Variants in KIAA1217 observed in about 807,000 individuals in gnomAD.
The protein encoded by KIAA1217 is KIAA1217.
A neutral mutation model predicts 163.9 loss-of-function variants in KIAA1217; 88 were observed. That is an observed-to-expected ratio of 0.54 (90% CI 0.45 to 0.64). KIAA1217 has a LOEUF of 0.64. KIAA1217 is among the 30% of genes least tolerant of loss of function. The pLI is 0.00. For synonymous variants in KIAA1217, 903 were observed against 923.1 expected, an observed-to-expected ratio of 0.98 and a Z score of 0.39; for missense variants, 2,372 against 2,475.0, an observed-to-expected ratio of 0.96 and a Z score of 0.88.
chr10:24,025,844 A>G (rs1002223502), intron 2 of KIAA1217, among the ~76,000 whole-genome samples: 9 of 151,810 alleles, frequency 5.9e-5, no homozygotes, highest in Non-Finnish European at 8.9e-5. Context: ...TTAGTCTTAT[A>G]TATTTACCTC....
intron 1 of KIAA1217, among the ~76,000 whole-genome samples, chr10:23,811,591 G>A (rs1234372559): frequency 6.6e-6 from 1 of 151,974 alleles, no homozygotes; most frequent in East Asian, 1.9e-4. Context: ...TTACTGCAAT[G>A]TGAGGATGAG....
At chr10:23,986,746 A>G (rs376796803) in intron 1 of KIAA1217, among the ~76,000 whole-genome samples, 2 of 152,344 alleles carry the variant, frequency 1.3e-5, no homozygotes, top group African/African-American at 2.4e-5. Context: ...TGTGAGAGAA[A>G]GTCTTCCTTT....
chr10:24,502,073 G>A (rs894498284), intron 9 of KIAA1217, among the ~76,000 whole-genome samples: 6 of 151,820 alleles, frequency 4.0e-5, no homozygotes, highest in Non-Finnish European at 8.8e-5. Context: ...TAAGCTGTGC[G>A]TACTTTTACG....
At chr10:24,177,785 T>A (rs1208274499) in intron 2 of KIAA1217, among the ~76,000 whole-genome samples, 1 of 152,022 alleles carries the variant, frequency 6.6e-6, no homozygotes, top group African/African-American at 2.4e-5. Context: ...TGCTGATGAG[T>A]CAGGACCATT....
intron 2 of KIAA1217, among the ~76,000 whole-genome samples, chr10:24,175,592 G>A (rs1468386664): frequency 6.6e-6 from 1 of 152,060 alleles, no homozygotes; most frequent in African/African-American, 2.4e-5. Flanking sequence ...GAATTGGTGG[G>A]TTCTTGGGCT....
intron 1 of KIAA1217, among the ~76,000 whole-genome samples, chr10:23,934,380 G>C (rs1460102021): frequency 1.3e-5 from 2 of 150,936 alleles, no homozygotes; most frequent in South Asian, 2.1e-4. Flanking sequence ...GGGCCTGTTG[G>C]GGGGTGAGGG....
chr10:24,381,467 C>T (rs1016385746), intron 3 of KIAA1217, among the ~76,000 whole-genome samples: 7 of 152,176 alleles, frequency 4.6e-5, no homozygotes, highest in African/African-American at 1.2e-4. Flanking sequence ...GCCTGAGCTC[C>T]GCCTCCTGTC....
chr10:24,039,015 A>G (rs900899285), intron 2 of KIAA1217, among the ~76,000 whole-genome samples: 1 of 152,130 alleles, frequency 6.6e-6, no homozygotes, highest in African/African-American at 2.4e-5. Flanking sequence ...AAGTGCTGGG[A>G]TGACAGACAT....
chr10:24,277,507 T>G (rs2077437520), intron 2 of KIAA1217, among the ~76,000 whole-genome samples: 1 of 152,236 alleles, frequency 6.6e-6, no homozygotes, highest in Non-Finnish European at 1.5e-5. Flanking sequence ...TGAATTGTAG[T>G]TCCCATAATC....
intron 2 of KIAA1217, among the ~76,000 whole-genome samples, chr10:24,011,851 T>C (rs969817991): frequency 1.3e-5 from 2 of 152,162 alleles, no homozygotes; most frequent in Non-Finnish European, 2.9e-5. Context: ...GGAACAATCA[T>C]GGCAGTCTCT....
intron 2 of KIAA1217, among the ~76,000 whole-genome samples, chr10:24,112,194 A>G (rs2062874383): frequency 6.6e-6 from 1 of 152,210 alleles, no homozygotes; most frequent in Non-Finnish European, 1.5e-5. Context: ...ACGTCACTAC[A>G]TATGTTGAGG....
chr10:24,335,294 G>GT (rs57833930), intron 2 of KIAA1217, among the ~76,000 whole-genome samples: 48,132 of 139,532 alleles, frequency 0.34, 8,819 homozygotes, highest in East Asian at 0.55. Context: ...GGCAAGGAGG[G>GT]TTTTTTTTTT....
intron 1 of KIAA1217, among the ~76,000 whole-genome samples, chr10:23,967,037 TAAATAAAG>T (rs1057409223): frequency 3.4e-4 from 51 of 152,006 alleles, no homozygotes; most frequent in African/African-American, 1.2e-3. Context: ...TATTAATAAA[TAAATAAAG>T]AATTATTAAG....
intron 1 of KIAA1217, among the ~76,000 whole-genome samples, chr10:23,884,772 C>T (rs1315804969): frequency 6.6e-6 from 1 of 151,928 alleles, no homozygotes; most frequent in Non-Finnish European, 1.5e-5. Context: ...ATTCCTGCAG[C>T]TTTGCCCTTC....
intron 1 of KIAA1217, among the ~76,000 whole-genome samples, chr10:23,795,074 C>T (rs1446460761): frequency 6.6e-6 from 1 of 152,182 alleles, no homozygotes; most frequent in Non-Finnish European, 1.5e-5. Flanking sequence ...TCAGCCTGGC[C>T]ACAGAATACC....
At chr10:24,475,935 C>A (rs537518636) in intron 6 of KIAA1217, among the ~76,000 whole-genome samples, 3 of 152,184 alleles carry the variant, frequency 2.0e-5, no homozygotes, top group Non-Finnish European at 4.4e-5. Flanking sequence ...AGAATTTAGA[C>A]CAGAAAACAA....
intron 1 of KIAA1217, among the ~76,000 whole-genome samples, chr10:23,724,397 A>C (rs1231835224): frequency 6.6e-6 from 1 of 152,166 alleles, no homozygotes; most frequent in Non-Finnish European, 1.5e-5. Flanking sequence ...TTGTGTTATT[A>C]ATTTTAATTT....
chr10:23,750,905 C>G (rs1839698015), intron 1 of KIAA1217, among the ~76,000 whole-genome samples: 1 of 152,032 alleles, frequency 6.6e-6, no homozygotes, highest in South Asian at 2.1e-4. Flanking sequence ...TTTGAATTTT[C>G]TACTCATGAT....
chr10:23,868,025 G>A (rs559333423), intron 1 of KIAA1217, among the ~76,000 whole-genome samples: 25 of 152,154 alleles, frequency 1.6e-4, no homozygotes, highest in African/African-American at 5.5e-4. Flanking sequence ...ATTAATTTTT[G>A]TATAAGGTGT....
Sources: gnomAD v4.1 joint callset for allele counts (sites outside exome capture counted in the v4.1 genomes callset) on GRCh38, gnomAD v4.1.1 for gene constraint, MANE v1.5 for transcripts, NCBI Gene and HGNC (gene_info 2026-07-23, HGNC 2026-07-21) for gene names.